The following CLEC12A variants were observed in gnomAD, a reference collection of about 807,000 sequenced individuals.
The protein encoded by CLEC12A is C-type lectin domain family 12 member A.
CLEC12A carries 22 observed loss-of-function variants against 26.5 expected under a neutral mutation model. The observed-to-expected ratio is 0.83, with a 90% CI of 0.59 to 1.19. CLEC12A has a LOEUF of 1.19. Ranked by LOEUF, CLEC12A falls within the 50% of genes most tolerant of loss-of-function variation. The pLI is 0.00. For synonymous variants in CLEC12A, 119 were observed against 101.9 expected (o/e 1.17, Z -1.01); for missense variants, 353 against 315.6 (o/e 1.12, Z -0.90).
chr12:9,981,650 T>C (rs902647605), intron 4 of CLEC12A, among the ~76,000 whole-genome samples: 3 of 152,186 alleles, frequency 2.0e-5, no homozygotes, highest in African/African-American at 7.2e-5. Flanking sequence ...ATTTTTTTCC[T>C]ACTCTTTCTG....
chr12:9,957,125 C>T (rs954905292), intron 1 of CLEC12A, among the ~76,000 whole-genome samples: 2 of 152,048 alleles, frequency 1.3e-5, no homozygotes, highest in African/African-American at 4.8e-5. Flanking sequence ...GTGCCTTTCT[C>T]CAAAGATGCT....
intron 5 of CLEC12A, chr12:9,983,715 G>A (rs542091193): frequency 2.1e-6 from 1 of 477,544 alleles, no homozygotes; most frequent in Admixed American, 3.9e-5. Context: ...GGCCATAATG[G>A]CAAATAGAAT....
intron 1 of CLEC12A, chr12:9,952,631 C>CG (rs1863642532): frequency 6.2e-6 from 1 of 162,080 alleles, no homozygotes; most frequent in Non-Finnish European, 1.3e-5. Context: ...TCCGCCTGGC[C>CG]ACCCATCGTC....
At chr12:9,996,113 G>C (rs954478079), downstream of CLEC12A, among the ~76,000 whole-genome samples, 5 of 152,272 alleles carry the variant, frequency 3.3e-5, no homozygotes, top group East Asian at 5.8e-4. Context: ...AGATATGTGA[G>C]ACTCAAAATG....
At chr12:9,966,675 G>C (rs1039612126), upstream of CLEC12A, among the ~76,000 whole-genome samples, 1 of 151,618 alleles carries the variant, frequency 6.6e-6, no homozygotes, top group African/African-American at 2.4e-5. Flanking sequence ...TTGCTACTTT[G>C]CTGCCTCTAC....
At position 9,978,977 on chromosome 12, in the gene CLEC12A, C is replaced by G. The variant is rs777126622; in HGVS notation, c.103C>G (p.Pro35Ala). 10 of 1,613,710 alleles carry G rather than the reference C, an allele frequency of 6.2e-6. No individual in the cohort carries two copies. Among genetic ancestry groups the G allele is most frequent in the African/African-American group, 5.3e-5 (4 of 74,906 alleles). Residue 35 changes from proline to alanine, a missense_variant, in exon 2 of 6, where the codon CCC becomes GCC. Pro to Ala is a conservative substitution (Grantham distance 27). Transcript: ENST00000304361. Reference sequence around the variant, plus strand: ...TTTGCTTTCCACAGCACCTCCAGCTCCCTCTCATGTATGGCGTCCAGCAGC... The same window carrying G: ...TTTGCTTTCCACAGCACCTCCAGCTGCCTCTCATGTATGGCGTCCAGCAGC... ...GKFGEKAPPA[P>A]SHVWRPAALF...
chr12:9,983,473 A>G (rs2137202441), intron 5 of CLEC12A: 1 of 692,052 alleles, frequency 1.4e-6, no homozygotes, highest in Non-Finnish European at 2.6e-6. Flanking sequence ...GTCTTTACAT[A>G]TAAAAATAGT....
the CLEC12A span, among the ~76,000 whole-genome samples, chr12:10,005,858 C>T: frequency 8.1e-4 from 123 of 152,176 alleles, no homozygotes; most frequent in Middle Eastern, 3.4e-3. Flanking sequence ...CTTCACTTTT[C>T]CCTATTTCTT....
At chr12:9,980,502 G>T in intron 3 of CLEC12A, 80 bp from the exon 4 acceptor site, 2 of 1,307,056 alleles carry the variant, frequency 1.5e-6, no homozygotes, top group South Asian at 1.4e-5. Flanking sequence ...TGTGATCAAT[G>T]TCACACAGAG....
downstream of CLEC12A, among the ~76,000 whole-genome samples, chr12:9,988,896 A>C (rs568190229): frequency 1.3e-5 from 2 of 152,324 alleles, no homozygotes; most frequent in East Asian, 3.9e-4. Context: ...ACATGTTGCT[A>C]TAAAGACACA....
chr12:9,993,777 G>A (rs976201257), intron 4 of CLEC12A, among the ~76,000 whole-genome samples: 3 of 152,042 alleles, frequency 2.0e-5, no homozygotes, highest in Admixed American at 1.3e-4. Flanking sequence ...AACACAGCAG[G>A]CTGTATTGTA....
intron 1 of CLEC12A, among the ~76,000 whole-genome samples, chr12:9,965,036 G>A (rs188561765): frequency 1.3e-5 from 2 of 152,258 alleles, no homozygotes; most frequent in Admixed American, 6.5e-5. Context: ...AGCAGAAAGT[G>A]TATGCGTCAG....
chr12:9,955,751 C>T (rs1863733100), intron 1 of CLEC12A, among the ~76,000 whole-genome samples: 1 of 152,156 alleles, frequency 6.6e-6, no homozygotes, highest in African/African-American at 2.4e-5. Context: ...ATTTGTTTCT[C>T]AGGTCAGTTA....
At chr12:9,959,829 T>C (rs982431412) in intron 1 of CLEC12A, among the ~76,000 whole-genome samples, 1 of 152,208 alleles carries the variant, frequency 6.6e-6, no homozygotes. Flanking sequence ...GATTAGCTCT[T>C]AGCCCCTTTC....
At chr12:9,994,931 G>C in intron 4 of CLEC12A, 1 of 1,302,660 alleles carries the variant, frequency 7.7e-7, no homozygotes, top group South Asian at 1.3e-5. Context: ...CAGAGATAAA[G>C]GTGGATTGTG....
At chr12:9,966,327 G>A (rs1181459416) in intron 1 of CLEC12A, among the ~76,000 whole-genome samples, 1 of 152,208 alleles carries the variant, frequency 6.6e-6, no homozygotes, top group Non-Finnish European at 1.5e-5. Context: ...GGCAGTGACA[G>A]TCTTCAGTTG....
intron 1 of CLEC12A, chr12:9,953,208 G>T (rs1394394206): frequency 8.4e-6 from 1 of 119,426 alleles, no homozygotes; most frequent in African/African-American, 3.3e-5. Flanking sequence ...TGCCCGGCCA[G>T]CCGCCCCGTC....
intron 4 of CLEC12A, 89 bp from the exon 5 acceptor site, chr12:9,981,931 A>G: frequency 1.5e-6 from 1 of 667,670 alleles, no homozygotes; most frequent in South Asian, 1.9e-5. Flanking sequence ...ATGTTACCTT[A>G]AAACAGCAAT....
downstream of CLEC12A, chr12:9,997,425 G>T (rs1865081226): frequency 1.4e-6 from 1 of 700,696 alleles, no homozygotes; most frequent in Middle Eastern, 4.1e-4. Context: ...GTTGAAAAGT[G>T]TGGAGGGGCT....
Sources: gnomAD v4.1 joint callset for allele counts (sites outside exome capture counted in the v4.1 genomes callset) on GRCh38, gnomAD v4.1.1 for gene constraint, MANE v1.5 for transcripts, NCBI Gene and HGNC (gene_info 2026-07-23, HGNC 2026-07-21) for gene names.